DMD: variants seen among roughly 807,000 people sequenced by gnomAD.
DMD encodes the protein mutant dystrophin.
Under a neutral mutation model 330.1 loss-of-function variants are expected in DMD, and 63 were observed. That is an observed-to-expected ratio of 0.19 (90% CI 0.16 to 0.24). The LOEUF is 0.24. Among genes scored for constraint, DMD ranks in the 10% least tolerant of loss-of-function variants. The probability of loss-of-function intolerance (pLI) is 1.00; values close to 1 mark genes in which losing one functional copy is unlikely to be tolerated. For synonymous variants in DMD, 1,223 were observed against 959.8 expected (o/e 1.27, Z -5.07); for missense variants, 3,344 against 2,684.1 (o/e 1.25, Z -5.43).
At chrX:32,908,968 C>T (rs1017498204) in intron 2 of DMD, among the ~76,000 whole-genome samples, 68 of 110,844 alleles carry the variant, frequency 6.1e-4, no homozygotes, top group Admixed American at 6.7e-4. Context: ...TTCAAGAAAT[C>T]CTCACACCTT....
chrX:33,168,178 G>C lies in DMD; in HGVS notation c.31+43104C>G, dbSNP rs149720614. On this transcript the variant is annotated intron_variant, in intron 1 of 78. Coordinates refer to ENST00000357033, the MANE Select transcript of DMD (RefSeq NM_004006.3). The stretch of plus-strand genomic sequence containing the variant: ...ATTTTATCTAAGTTTCCGGAATTCT[G>C]CACAATGTAGTGAAAATAAATTGGT... Among the ~76,000 whole-genome samples, 327 of 110,847 alleles carry C rather than the reference G, an allele frequency of 3.0e-3. 1 individual carries two copies. Among genetic ancestry groups the C allele is most frequent in the African/African-American group, 0.01 (316 of 30,632 alleles).
chrX:32,603,494 A>G (rs920722333), intron 12 of DMD, among the ~76,000 whole-genome samples: 3 of 111,224 alleles, frequency 2.7e-5, no homozygotes, highest in Non-Finnish European at 5.7e-5. Flanking sequence ...CTAGCAGAAT[A>G]TAAGAAATAA....
At chrX:31,541,848 T>C (rs1471427629) in intron 55 of DMD, among the ~76,000 whole-genome samples, 1 of 111,046 alleles carries the variant, frequency 9.0e-6, no homozygotes, top group African/African-American at 3.3e-5. Flanking sequence ...GTGTCCAAAT[T>C]GAGATGGGAT....
chrX:31,653,360 T>C, intron 54 of DMD, among the ~76,000 whole-genome samples: 1 of 111,769 alleles, frequency 8.9e-6, no homozygotes, highest in East Asian at 2.8e-4. Context: ...TACACGTATA[T>C]GTATATATGT....
chrX:31,673,396 C>T (rs1569211112), intron 53 of DMD, among the ~76,000 whole-genome samples: 3 of 111,460 alleles, frequency 2.7e-5, no homozygotes, highest in Non-Finnish European at 3.8e-5. Flanking sequence ...GCGGAACACT[C>T]GAGGTCAGGA....
intron 2 of DMD, among the ~76,000 whole-genome samples, chrX:32,932,101 G>T (rs2089641270): frequency 8.9e-6 from 1 of 112,339 alleles, no homozygotes; most frequent in African/African-American, 3.2e-5. Context: ...ATGAATGTAA[G>T]CTCAGTCTAC....
chrX:32,591,543 A>G (rs775166474), intron 13 of DMD, among the ~76,000 whole-genome samples: 1 of 111,968 alleles, frequency 8.9e-6, no homozygotes, highest in South Asian at 3.7e-4. Context: ...CTCTTGATTT[A>G]CCATTTATCC....
At chrX:33,034,209 G>C (rs1342320562) in intron 1 of DMD, among the ~76,000 whole-genome samples, 1 of 111,270 alleles carries the variant, frequency 9.0e-6, no homozygotes. Context: ...TTTTTGATTA[G>C]AGAACATTAA....
intron 7 of DMD, among the ~76,000 whole-genome samples, chrX:32,732,290 T>A: frequency 9.0e-6 from 1 of 111,055 alleles, no homozygotes; most frequent in Non-Finnish European, 1.9e-5. Flanking sequence ...GTCTGATTGG[T>A]GTACCTGAAA....
intron 1 of DMD, among the ~76,000 whole-genome samples, chrX:33,169,664 T>A (rs2049237136): frequency 8.9e-6 from 1 of 111,846 alleles, no homozygotes; most frequent in African/African-American, 3.2e-5. Context: ...CAGCAAAAAC[T>A]TTTAAAATTA....
chrX:31,439,345 C>T (rs1051891513), intron 60 of DMD, among the ~76,000 whole-genome samples: 3 of 111,297 alleles, frequency 2.7e-5, no homozygotes, highest in African/African-American at 9.8e-5. Flanking sequence ...ACAGTAGATG[C>T]TCAATCAGTG....
intron 55 of DMD, among the ~76,000 whole-genome samples, chrX:31,522,250 T>A (rs1174922057): frequency 9.7e-6 from 1 of 102,570 alleles, no homozygotes; most frequent in East Asian, 3.1e-4. Context: ...AGAATACACA[T>A]CAGAGCTAAG....
chrX:31,173,989 G>A (rs2040263471), intron 71 of DMD, among the ~76,000 whole-genome samples: 1 of 110,882 alleles, frequency 9.0e-6, no homozygotes, highest in Non-Finnish European at 1.9e-5. Context: ...TTACACCTGC[G>A]CCATTTATAG....
At chrX:31,197,048 T>G (rs1394648251) in intron 67 of DMD, among the ~76,000 whole-genome samples, 2 of 110,815 alleles carry the variant, frequency 1.8e-5, no homozygotes, top group Non-Finnish European at 3.8e-5. Context: ...CAACACACTT[T>G]AGATAATCAT....
chrX:31,446,377 C>T (rs2065268850), intron 59 of DMD, among the ~76,000 whole-genome samples: 1 of 111,484 alleles, frequency 9.0e-6, no homozygotes, highest in South Asian at 3.7e-4. Context: ...ATACTAAACA[C>T]CACTGAATTG....
At chrX:31,324,648 G>A (rs1228606487) in intron 61 of DMD, among the ~76,000 whole-genome samples, 1 of 111,223 alleles carries the variant, frequency 9.0e-6, no homozygotes, top group African/African-American at 3.3e-5. Flanking sequence ...TTAATATCTA[G>A]CAACTTTATG....
intron 2 of DMD, among the ~76,000 whole-genome samples, chrX:32,996,545 G>A (rs1160788279): frequency 8.9e-6 from 1 of 111,781 alleles, no homozygotes; most frequent in Non-Finnish European, 1.9e-5. Context: ...CAGGCTTGAT[G>A]GCCGCGGTGG....
intron 60 of DMD, among the ~76,000 whole-genome samples, chrX:31,358,839 G>A (rs1044503306): frequency 1.8e-5 from 2 of 112,047 alleles, no homozygotes; most frequent in Admixed American, 9.5e-5. Flanking sequence ...AAGTTAAGGC[G>A]GGGCCCTAGG....
intron 55 of DMD, among the ~76,000 whole-genome samples, chrX:31,547,107 T>C (rs950670117): frequency 1.8e-5 from 2 of 112,396 alleles, no homozygotes; most frequent in East Asian, 5.5e-4. Context: ...TATTCCAAGA[T>C]AGTAGAAATG....
Sources: allele counts gnomAD v4.1 joint callset (sites outside exome capture counted in the v4.1 genomes callset), GRCh38; gene constraint gnomAD v4.1.1; transcripts MANE v1.5; gene names NCBI Gene and HGNC (gene_info 2026-07-23, HGNC 2026-07-21).